Variants in DSCAML1 observed in about 807,000 individuals in gnomAD.
DSCAML1 encodes cell adhesion molecule DSCAML1.
In DSCAML1, 38 loss-of-function variants were observed where a neutral mutation model predicts 200.5. The ratio of observed to expected loss-of-function variants is 0.19; its 90% confidence interval spans 0.15 to 0.25. The LOEUF is 0.25. DSCAML1 is among the 10% of genes least tolerant of loss of function. DSCAML1 has a pLI of 1.00. For synonymous variants in DSCAML1, 1,215 were observed against 1,165.0 expected, an observed-to-expected ratio of 1.04 and a Z score of -0.87; for missense variants, 2,223 against 2,858.8, an observed-to-expected ratio of 0.78 and a Z score of 5.07.
intron 3 of DSCAML1, among the ~76,000 whole-genome samples, chr11:117,771,964 C>T (rs1176892418): frequency 2.0e-5 from 3 of 152,096 alleles, no homozygotes; most frequent in Non-Finnish European, 2.9e-5. Context: ...TGTACACCCT[C>T]CTGCGGCAGA....
chr11:117,471,352 A>G (rs1004696564), intron 15 of DSCAML1, among the ~76,000 whole-genome samples: 1 of 152,080 alleles, frequency 6.6e-6, no homozygotes, highest in African/African-American at 2.4e-5. Flanking sequence ...TTGTATTTTT[A>G]GTAGAGACAG....
chr11:117,603,334 A>G (rs183938973), intron 3 of DSCAML1, among the ~76,000 whole-genome samples: 1 of 152,336 alleles, frequency 6.6e-6, no homozygotes, highest in East Asian at 1.9e-4. Flanking sequence ...GGCAGCGGGC[A>G]TGACTTCCAA....
intron 3 of DSCAML1, among the ~76,000 whole-genome samples, chr11:117,620,388 C>G (rs2051904371): frequency 6.6e-6 from 1 of 152,208 alleles, no homozygotes; most frequent in African/African-American, 2.4e-5. Context: ...CTCTCTTTCT[C>G]TGTCCTCCAC....
At chr11:117,794,865 GC>G (rs1419635779) in intron 1 of DSCAML1, among the ~76,000 whole-genome samples, 1 of 152,036 alleles carries the variant, frequency 6.6e-6, no homozygotes, top group African/African-American at 2.4e-5. Context: ...GCACCCTGGC[GC>G]CCAACAGACA....
upstream of DSCAML1, chr11:117,797,330 G>A (rs1360542198): frequency 7.9e-7 from 1 of 1,266,130 alleles, no homozygotes; most frequent in Non-Finnish European, 1.0e-6. Context: ...CGCCGCGCGA[G>A]CCCGGAGCCC....
chr11:117,604,141 C>A (rs1308930218), intron 3 of DSCAML1, among the ~76,000 whole-genome samples: 2 of 152,186 alleles, frequency 1.3e-5, no homozygotes, highest in Non-Finnish European at 2.9e-5. Context: ...ACAATGCAGG[C>A]ATCTCATTCA....
At chr11:117,800,060 AC>A (rs1193562926), upstream of DSCAML1, among the ~76,000 whole-genome samples, 9 of 152,242 alleles carry the variant, frequency 5.9e-5, no homozygotes, top group Non-Finnish European at 1.2e-4. Flanking sequence ...GAGATGGCTA[AC>A]AAAAGAAGGA....
intron 4 of DSCAML1, among the ~76,000 whole-genome samples, chr11:117,529,012 A>G (rs893299988): frequency 2.0e-5 from 3 of 149,894 alleles, no homozygotes; most frequent in African/African-American, 4.9e-5. Flanking sequence ...AGTAGCAGCT[A>G]CTGTCTGTCC....
chr11:117,481,641 G>A (rs1393869844), intron 12 of DSCAML1, among the ~76,000 whole-genome samples: 1 of 149,254 alleles, frequency 6.7e-6, no homozygotes, highest in Non-Finnish European at 1.5e-5. Context: ...AGAGTGGGAA[G>A]GGCTGAGGGA....
At chr11:117,717,163 C>A (rs992813015) in intron 3 of DSCAML1, among the ~76,000 whole-genome samples, 1 of 152,180 alleles carries the variant, frequency 6.6e-6, no homozygotes, top group African/African-American at 2.4e-5. Flanking sequence ...AGTGCCACGC[C>A]GAAGATGGTC....
chr11:117,471,896 C>G lies in DSCAML1; in HGVS notation c.2926G>C (p.Glu976Gln), dbSNP rs1333420258. ...GCCTCCTCAGTGCTGATGGTGAGCT[C>G]CTTGCTTGGTTCACTGCGGCCAATC... The part of the protein sequence containing the change: ...NKIGRSEPSK[E>Q]LTISTEEAAP... Residue 976 changes from glutamate (E) to glutamine (Q), a missense_variant, in exon 15 of 33, where the codon GAG becomes CAG. Around this residue, in one of 7 missense-constraint regions of DSCAML1, gnomAD observed 438 missense variants for 629.7 expected, o/e 0.70. Transcript: ENST00000651296. 3 of 1,591,762 alleles carry G rather than the reference C, an allele frequency of 1.9e-6. No individual in the cohort carries two copies. The highest frequency in any genetic ancestry group is 2.6e-6 in the Non-Finnish European group (3 of 1,169,830).
chr11:117,440,765 C>A (rs1211489079), intron 21 of DSCAML1, among the ~76,000 whole-genome samples: 1 of 151,846 alleles, frequency 6.6e-6, no homozygotes, highest in Non-Finnish European at 1.5e-5. Context: ...ACTAGAAATA[C>A]AAAAAATTAG....
rs568199298 is a variant in DSCAML1 at position 117,580,285 on chromosome 11, C to T, written c.512-47763G>A. Among the ~76,000 whole-genome samples, 3 of 152,320 alleles carry T rather than the reference C, an allele frequency of 2.0e-5. No individual in the cohort carries two copies. In the East Asian group the frequency reaches 5.8e-4, roughly 29 times the overall value. On this transcript the variant is annotated intron_variant, in intron 3 of 32. Coordinates refer to ENST00000651296, the MANE Select transcript of DSCAML1 (RefSeq NM_020693.4). ...ATTCCTTCTTTGCACATGGTGAGGA[C>T]AAGGCAAAGTTACCAGCAGCTTTCT...
intron 3 of DSCAML1, among the ~76,000 whole-genome samples, chr11:117,677,214 G>A (rs1164427339): frequency 1.3e-5 from 2 of 152,316 alleles, no homozygotes; most frequent in East Asian, 3.9e-4. Flanking sequence ...AGAATCATAG[G>A]CGACAAGGAC....
At position 117,525,073 on chromosome 11, in the gene DSCAML1, C is replaced by T. The variant is rs1213454050; in HGVS notation, c.669G>A (p.Glu223=). ...GARLSVTDPA[E]SIPTILDGFH... ...AGCCATCCAGGATGGTGGGGATCGACTCAGCAGGGTCTGGAAGGCAGAGAG... is the reference window on the plus strand; with the variant it reads ...AGCCATCCAGGATGGTGGGGATCGATTCAGCAGGGTCTGGAAGGCAGAGAG... Residue 223 remains glutamate (E), a synonymous_variant, in exon 5 of 33, where the codon GAG becomes GAA. Transcript: ENST00000651296. 1.3e-6 allele frequency: 2 copies of T among 1,561,524 alleles called. No homozygotes were observed. The highest frequency in any genetic ancestry group is 1.7e-6 in the Non-Finnish European group (2 of 1,157,618).
At chr11:117,569,748 GA>G (rs1460056252) in intron 3 of DSCAML1, among the ~76,000 whole-genome samples, 1 of 152,184 alleles carries the variant, frequency 6.6e-6, no homozygotes, top group Non-Finnish European at 1.5e-5. Context: ...AGCTCAGTCT[GA>G]CCAACAGATG....
At chr11:117,580,599 C>T (rs2051021360) in intron 3 of DSCAML1, among the ~76,000 whole-genome samples, 2 of 152,078 alleles carry the variant, frequency 1.3e-5, no homozygotes, top group South Asian at 2.1e-4. Flanking sequence ...TTTTAATGAT[C>T]GTTAATAGTT....
chr11:117,688,855 C>T (rs1469776006), intron 3 of DSCAML1, among the ~76,000 whole-genome samples: 3 of 152,244 alleles, frequency 2.0e-5, no homozygotes, highest in African/African-American at 4.8e-5. Context: ...TAACCAAGGT[C>T]GTCCTAACCA....
At chr11:117,577,435 T>C (rs1565801399) in intron 3 of DSCAML1, among the ~76,000 whole-genome samples, 1 of 54,794 alleles carries the variant, frequency 1.8e-5, no homozygotes, top group Non-Finnish European at 4.5e-5. Context: ...CTTCCTTCCT[T>C]CTTTCCTTCC....
Sources: allele counts gnomAD v4.1 joint callset (sites outside exome capture counted in the v4.1 genomes callset), GRCh38; gene constraint gnomAD v4.1.1; regional missense constraint gnomAD v4.1.1; transcripts MANE v1.5; gene names NCBI Gene and HGNC (gene_info 2026-07-23, HGNC 2026-07-21).